CENPP: variants seen among roughly 807,000 people sequenced by gnomAD.
CENPP encodes centromere protein P.
In CENPP, 24 loss-of-function variants were observed where a neutral mutation model predicts 35.6. The observed-to-expected ratio is 0.67, with a 90% CI of 0.49 to 0.95. CENPP has a LOEUF of 0.95. Ranked by LOEUF, CENPP falls within the 40% of genes least tolerant of loss-of-function variation. CENPP has a pLI of 0.00. For synonymous variants in CENPP, 120 were observed against 125.5 expected (o/e 0.96, Z 0.29); for missense variants, 332 against 345.3 (o/e 0.96, Z 0.31).
rs569187311 is a variant in CENPP at position 92,502,573 on chromosome 9, A to G, written c.565-108741A>G. 4.3e-6 allele frequency: 7 copies of G among 1,612,144 alleles called. No individual in the cohort carries two copies. In the South Asian group the frequency reaches 5.5e-5, roughly 13 times the overall value. On this transcript the variant is annotated intron_variant, in intron 5 of 7. Transcript: ENST00000375587. ...TTCTTCAATTTTGTTATAACGTAGT[A>G]CAATGACATTGATCTTTCTGGTATG...
intron 2 of CENPP, among the ~76,000 whole-genome samples, chr9:92,332,997 T>C (rs1840803510): frequency 6.6e-6 from 1 of 152,128 alleles, no homozygotes; most frequent in South Asian, 2.1e-4. Context: ...AACAGCACCA[T>C]TAATTTATAC....
At chr9:92,452,248 C>T (rs1844733988) in intron 5 of CENPP, among the ~76,000 whole-genome samples, 1 of 151,906 alleles carries the variant, frequency 6.6e-6, no homozygotes, top group African/African-American at 2.4e-5. Context: ...TCATAGATAG[C>T]TCTTATTATT....
At chr9:92,588,924 G>A (rs2131373843) in intron 5 of CENPP, among the ~76,000 whole-genome samples, 1 of 152,288 alleles carries the variant, frequency 6.6e-6, no homozygotes, top group Middle Eastern at 3.4e-3. Context: ...GTGAATGTAT[G>A]TGGGGTTATG....
At chr9:92,600,233 T>A in intron 5 of CENPP, 1 of 1,321,442 alleles carries the variant, frequency 7.6e-7, no homozygotes, top group Non-Finnish European at 9.8e-7. Flanking sequence ...CAGAAGGGCG[T>A]GGGATCTGGC....
intron 2 of CENPP, among the ~76,000 whole-genome samples, chr9:92,334,309 C>T (rs549068402): frequency 6.6e-6 from 1 of 152,086 alleles, no homozygotes; most frequent in East Asian, 1.9e-4. Context: ...TTAGTAGTGA[C>T]GGGGTTTCCC....
At chr9:92,417,133 AT>A in intron 5 of CENPP, 1 of 1,613,862 alleles carries the variant, frequency 6.2e-7, no homozygotes, top group Non-Finnish European at 8.5e-7. Flanking sequence ...GTTGTAGTAG[AT>A]TTGGAAGCTT....
At chr9:92,408,726 C>T (rs772128733) in intron 5 of CENPP, among the ~76,000 whole-genome samples, 1 of 152,132 alleles carries the variant, frequency 6.6e-6, no homozygotes, top group African/African-American at 2.4e-5. Flanking sequence ...CTAGTAGTTG[C>T]ACCCCACCCC....
chr9:92,600,497 T>G, intron 5 of CENPP: 1 of 1,612,788 alleles, frequency 6.2e-7, no homozygotes, highest in Non-Finnish European at 8.5e-7. Context: ...TCTGCAAAGG[T>G]CTGGAGATGA....
intron 1 of CENPP, among the ~76,000 whole-genome samples, chr9:92,330,730 C>T (rs1397978251): frequency 3.5e-5 from 5 of 144,270 alleles, no homozygotes; most frequent in Non-Finnish European, 7.5e-5. Flanking sequence ...ACTTTGTTGC[C>T]CAGGCTGGAA....
intron 5 of CENPP, chr9:92,517,817 CG>C: frequency 6.2e-7 from 1 of 1,614,142 alleles, no homozygotes. Flanking sequence ...AGGGCTCAGG[CG>C]ACCACACAGC....
rs144662877 is a variant in CENPP at position 92,585,447 on chromosome 9, G to A, written c.565-25867G>A. ...TTGAGTGGTTAGAATTTGTTTGTCT[G>A]TACCAAATAAAGCTGCTGTGAACGT... On this transcript the variant is annotated intron_variant, in intron 5 of 7. Transcript: ENST00000375587. Among the ~76,000 whole-genome samples the A allele has an allele frequency of 4.9e-3, 747 of 152,284 alleles. 12 individuals are homozygous for A. Among genetic ancestry groups the A allele is most frequent in the Admixed American group, 0.016 (243 of 15,296 alleles).
intron 4 of CENPP, among the ~76,000 whole-genome samples, chr9:92,372,097 A>ATTTTTTTT (rs1392019986): frequency 1.8e-5 from 1 of 54,352 alleles, no homozygotes; most frequent in African/African-American, 1.0e-4. Context: ...CATGCCAGCC[A>ATTTTTTTT]TCTTTTTTTT....
intron 5 of CENPP, among the ~76,000 whole-genome samples, chr9:92,550,407 T>G: frequency 7.1e-6 from 1 of 140,960 alleles, no homozygotes. Flanking sequence ...AAAAAAAAAA[T>G]GGTGTCATTG....
chr9:92,465,092 CAG>C (rs1845255482), intron 5 of CENPP: 2 of 1,065,538 alleles, frequency 1.9e-6, no homozygotes, highest in Non-Finnish European at 2.9e-6. Context: ...ACTCACAGTG[CAG>C]AGAGACACAT....
intron 5 of CENPP, among the ~76,000 whole-genome samples, chr9:92,432,357 T>C (rs1844133057): frequency 6.6e-6 from 1 of 152,094 alleles, no homozygotes; most frequent in African/African-American, 2.4e-5. Context: ...AAATGGTAAT[T>C]TGACCTTCTC....
chr9:92,370,354 C>T (rs570371521), intron 4 of CENPP, among the ~76,000 whole-genome samples: 5 of 152,108 alleles, frequency 3.3e-5, no homozygotes, highest in Non-Finnish European at 5.9e-5. Context: ...GGGAGAATTC[C>T]CTCCTCTTTG....
Position 92,504,197 on chromosome 9 carries a change from A to G in CENPP, c.565-107117A>G, listed in dbSNP as rs551820245. ...TCCCACAAAGAATCTGACTTAGCATATCTGGGGTAGGTCCAAGAGTCTGTA... is the reference window on the plus strand; with the variant it reads ...TCCCACAAAGAATCTGACTTAGCATGTCTGGGGTAGGTCCAAGAGTCTGTA... On this transcript the variant is annotated intron_variant, in intron 5 of 7. Transcript: ENST00000375587. Among the ~76,000 whole-genome samples, 4 of 152,326 alleles carry G rather than the reference A, an allele frequency of 2.6e-5. No homozygotes were observed. The South Asian group carries it at 8.3e-4, about 32-fold the overall frequency.
At chr9:92,474,836 G>C (rs1384984556) in intron 5 of CENPP, 1 of 1,613,744 alleles carries the variant, frequency 6.2e-7, no homozygotes, top group African/African-American at 1.3e-5. Context: ...GATGTGTGAA[G>C]GGCTAAAGAA....
chr9:92,529,344 T>C (rs935325695), intron 5 of CENPP, among the ~76,000 whole-genome samples: 1 of 152,214 alleles, frequency 6.6e-6, no homozygotes, highest in African/African-American at 2.4e-5. Context: ...GTAAGTCTCA[T>C]TCGGTGCTGG....
Sources: gnomAD v4.1 joint callset for allele counts (sites outside exome capture counted in the v4.1 genomes callset) on GRCh38, gnomAD v4.1.1 for gene constraint, MANE v1.5 for transcripts, NCBI Gene and HGNC (gene_info 2026-07-23, HGNC 2026-07-21) for gene names.